Variants in IRAK3 observed in about 807,000 individuals in gnomAD.
IRAK3 encodes interleukin 1 receptor associated kinase 3.
In IRAK3, 57 loss-of-function variants were observed where a neutral mutation model predicts 56.6. The observed-to-expected ratio is 1.01, with a 90% CI of 0.81 to 1.26. IRAK3 has a LOEUF of 1.26. Ranked by LOEUF, IRAK3 falls within the 50% of genes most tolerant of loss-of-function variation. The pLI, the probability that IRAK3 is intolerant of heterozygous loss-of-function variation, is 0.00. For missense variants in IRAK3, 703 were observed against 719.0 expected (o/e 0.98, Z 0.25); for synonymous variants, 258 against 255.7 (o/e 1.01, Z -0.09).
chr12:66,192,409 G>A lies in IRAK3; in HGVS notation c.133+2977G>A, dbSNP rs541660015. On this transcript the variant is annotated intron_variant, in intron 1 of 11. Transcript: ENST00000261233. The stretch of plus-strand genomic sequence containing the variant: ...AGCCCAAATGAAATATGTTGTTTAC[G>A]TTACAGACATGATAACGTAGTACAT... Among the ~76,000 whole-genome samples, 8 of 152,218 alleles carry A rather than the reference G, an allele frequency of 5.3e-5. No individual in the cohort carries two copies. In the East Asian group the frequency reaches 7.7e-4, roughly 15 times the overall value.
At chr12:66,225,746 G>GAA (rs138496680) in intron 6 of IRAK3, among the ~76,000 whole-genome samples, 1 of 144,460 alleles carries the variant, frequency 6.9e-6, no homozygotes, top group African/African-American at 2.5e-5. Flanking sequence ...TAATTATTAG[G>GAA]AAAAAAAAAA....
chr12:66,224,610 G>A (rs1198461742), intron 6 of IRAK3, among the ~76,000 whole-genome samples: 2 of 152,292 alleles, frequency 1.3e-5, no homozygotes, highest in Admixed American at 6.5e-5. Context: ...TTTCTCGAGG[G>A]AAGGGGAAAA....
chr12:66,237,654 T>C (rs980844937), intron 8 of IRAK3, among the ~76,000 whole-genome samples: 3 of 152,174 alleles, frequency 2.0e-5, no homozygotes, highest in Admixed American at 6.5e-5. Flanking sequence ...CTCATTCACC[T>C]CCTCTGCAGG....
Position 66,244,353 on chromosome 12 carries a change from G to A in IRAK3, c.888-133G>A, listed in dbSNP as rs2053004546. ...ATGAAAGAATGTTCTCCAGTTCATG[G>A]AAATTTGTTTGGCTTTATTTTGACA... On this transcript the variant is annotated intron_variant, in intron 8 of 11. Coordinates refer to ENST00000261233, the MANE Select transcript of IRAK3 (RefSeq NM_007199.3). 5 of 685,456 alleles carry A rather than the reference G, an allele frequency of 7.3e-6. No individual in the cohort carries two copies. The East Asian group carries it at 1.3e-4, about 18-fold the overall frequency. The allele number at this position is 685,456 out of a possible 1,614,324, so 42.5% of individuals were successfully genotyped here.
chr12:66,204,968 A>G (rs1165782407), intron 2 of IRAK3, among the ~76,000 whole-genome samples: 1 of 152,124 alleles, frequency 6.6e-6, no homozygotes, highest in Non-Finnish European at 1.5e-5. Flanking sequence ...TCTTTTGCAC[A>G]TTGTTTCTTC....
At chr12:66,231,743 CAGTT>C (rs776005726) in intron 8 of IRAK3, among the ~76,000 whole-genome samples, 25 of 152,216 alleles carry the variant, frequency 1.6e-4, no homozygotes, top group Non-Finnish European at 2.5e-4. Context: ...CAAGAGAAAT[CAGTT>C]GGTTGGAAAA....
chr12:66,217,796 C>T (rs1328032767), intron 6 of IRAK3, among the ~76,000 whole-genome samples: 1 of 152,110 alleles, frequency 6.6e-6, no homozygotes, highest in Non-Finnish European at 1.5e-5. Context: ...TCATCCTTTA[C>T]AAATAGGAAA....
At chr12:66,235,261 G>A in intron 8 of IRAK3, 1 of 1,570,652 alleles carries the variant, frequency 6.4e-7, no homozygotes, top group Non-Finnish European at 8.6e-7. Flanking sequence ...TGCCCCCGGG[G>A]TTGCCGCTGC....
intron 1 of IRAK3, among the ~76,000 whole-genome samples, chr12:66,200,086 T>A (rs1053024041): frequency 6.6e-6 from 1 of 152,240 alleles, no homozygotes; most frequent in African/African-American, 2.4e-5. Flanking sequence ...AAACATGCAT[T>A]GAAATAGAAT....
chr12:66,191,454 T>C (rs2052398759), intron 1 of IRAK3, among the ~76,000 whole-genome samples: 1 of 152,204 alleles, frequency 6.6e-6, no homozygotes, highest in Admixed American at 6.5e-5. Flanking sequence ...TGCAGAGTTC[T>C]ATTTTTATAT....
At chr12:66,197,088 GC>G in intron 1 of IRAK3, 1 of 1,336,126 alleles carries the variant, frequency 7.5e-7, no homozygotes, top group Non-Finnish European at 9.6e-7. Context: ...GGACTTTTGA[GC>G]ATCTGATTTC....
At chr12:66,214,466 A>T (rs2136927548) in intron 5 of IRAK3, among the ~76,000 whole-genome samples, 1 of 152,190 alleles carries the variant, frequency 6.6e-6, no homozygotes, top group Non-Finnish European at 1.5e-5. Flanking sequence ...GCTTGAACCC[A>T]GGAGGCAGAG....
intron 1 of IRAK3, among the ~76,000 whole-genome samples, chr12:66,198,429 C>T (rs184583625): frequency 1.3e-4 from 20 of 152,328 alleles, no homozygotes; most frequent in Admixed American, 5.2e-4. Context: ...CCCCATTTGA[C>T]ATACCCTTTT....
At chr12:66,209,334 T>A (rs2052589791) in intron 2 of IRAK3, 122 bp from the exon 3 acceptor site, 2 of 685,100 alleles carry the variant, frequency 2.9e-6, no homozygotes, top group Non-Finnish European at 2.7e-6. Context: ...TAATGTTGCA[T>A]GGGAATGAAA....
At chr12:66,213,842 C>G (rs1199273857) in intron 5 of IRAK3, among the ~76,000 whole-genome samples, 2 of 151,192 alleles carry the variant, frequency 1.3e-5, no homozygotes, top group Non-Finnish European at 2.9e-5. Flanking sequence ...GTCTGGCACC[C>G]AGAAGAGTAT....
intron 11 of IRAK3, 107 bp from the exon 12 acceptor site, chr12:66,247,588 C>A (rs2053048083): frequency 2.6e-6 from 2 of 775,728 alleles, no homozygotes; most frequent in Non-Finnish European, 4.3e-6. Context: ...TATAGCTGAA[C>A]TAATTTCATG....
intron 1 of IRAK3, among the ~76,000 whole-genome samples, chr12:66,194,685 C>T (rs970600121): frequency 9.2e-5 from 14 of 151,892 alleles, no homozygotes; most frequent in Non-Finnish European, 1.2e-4. Flanking sequence ...AAAGATTAGC[C>T]GGGCGTGGTG....
intron 1 of IRAK3, among the ~76,000 whole-genome samples, chr12:66,196,001 A>T (rs2052449228): frequency 6.7e-6 from 1 of 150,170 alleles, no homozygotes; most frequent in African/African-American, 2.5e-5. Context: ...CCACTCTCTT[A>T]TGCCTCTTTT....
At chr12:66,213,542 G>T (rs2052634181) in intron 5 of IRAK3, among the ~76,000 whole-genome samples, 1 of 152,018 alleles carries the variant, frequency 6.6e-6, no homozygotes, top group Admixed American at 6.6e-5. Flanking sequence ...TGTAATGGTG[G>T]ATACATATTA....
Sources: allele counts gnomAD v4.1 joint callset (sites outside exome capture counted in the v4.1 genomes callset), GRCh38; gene constraint gnomAD v4.1.1; transcripts MANE v1.5; gene names NCBI Gene and HGNC (gene_info 2026-07-23, HGNC 2026-07-21).